Variants in TNFRSF8 observed in about 807,000 individuals in gnomAD.
The protein encoded by TNFRSF8 is TNF receptor superfamily member 8.
A neutral mutation model predicts 70.8 loss-of-function variants in TNFRSF8; 26 were observed. The observed-to-expected ratio is 0.37, with a 90% confidence interval of 0.27 to 0.51. TNFRSF8 has a LOEUF of 0.51. Ranked by LOEUF, TNFRSF8 falls within the 20% of genes least tolerant of loss-of-function variation. The probability of loss-of-function intolerance (pLI) is 0.94; values close to 1 mark genes in which losing one functional copy is unlikely to be tolerated. For synonymous variants in TNFRSF8, 356 were observed against 339.2 expected, an observed-to-expected ratio of 1.05 and a Z score of -0.54; for missense variants, 720 against 807.9, an observed-to-expected ratio of 0.89 and a Z score of 1.32.
chr1:12,085,926 G>A (rs1641145876), intron 2 of TNFRSF8, among the ~76,000 whole-genome samples: 1 of 152,234 alleles, frequency 6.6e-6, no homozygotes, highest in Non-Finnish European at 1.5e-5. Context: ...ATTGTCACGG[G>A]GACATCAGCC....
rs551804692 is a variant in TNFRSF8 at position 12,111,216 on chromosome 1, C to T, written c.677-682C>T. ...TTGTTTTTTTGAGGTGAGTCTTGCT[C>T]TGTCGCCCAGACTGGAGTGCAGTGG... is the stretch of plus-strand genomic sequence containing the variant. On this transcript the variant is annotated intron_variant, in intron 6 of 14. Transcript: ENST00000263932. Among the ~76,000 whole-genome samples, 3 of 151,908 alleles carry T rather than the reference C, an allele frequency of 2.0e-5. No homozygotes were observed. In the South Asian group the frequency reaches 6.2e-4, roughly 32 times the overall value.
chr1:12,107,940 C>G (rs1243366817), intron 4 of TNFRSF8, among the ~76,000 whole-genome samples: 1 of 152,006 alleles, frequency 6.6e-6, no homozygotes, highest in Non-Finnish European at 1.5e-5. Context: ...GTAAATTGCC[C>G]GCGGAGACAG....
chr1:12,111,595 G>C (rs746279322), intron 6 of TNFRSF8, among the ~76,000 whole-genome samples: 11 of 152,186 alleles, frequency 7.2e-5, no homozygotes, highest in Non-Finnish European at 1.2e-4. Context: ...TGTTCCCAAA[G>C]TTTTGAGCAG....
intron 4 of TNFRSF8, among the ~76,000 whole-genome samples, chr1:12,106,394 C>T (rs1286079835): frequency 6.6e-6 from 1 of 152,182 alleles, no homozygotes; most frequent in Non-Finnish European, 1.5e-5. Context: ...CTTCCCTGGC[C>T]TCTCACTAGG....
chr1:12,138,171 C>T lies in TNFRSF8; in HGVS notation c.1336-58C>T. ...GAAAAAAAAAAGGGGCCTCCCAGTT[C>T]AGAGACTGGTGGGGAGGTTGGGGGT... is the stretch of plus-strand genomic sequence containing the variant. On this transcript the variant is annotated intron_variant, in intron 13 of 14. Transcript: ENST00000263932. The surrounding 1 kb of genome is among the most constrained non-coding windows in gnomAD (Gnocchi z 5.7). 6.4e-7 allele frequency: 1 copy of T among 1,563,138 alleles called. No homozygotes were observed. Among genetic ancestry groups the T allele is most frequent in the African/African-American group, 1.4e-5 (1 of 72,870 alleles).
intron 1 of TNFRSF8, among the ~76,000 whole-genome samples, chr1:12,080,855 C>T (rs1569993928): frequency 1.3e-5 from 2 of 152,186 alleles, no homozygotes; most frequent in Admixed American, 1.3e-4. Flanking sequence ...CCACCGTGCC[C>T]GGCCCTGGGA....
At position 12,063,744 on chromosome 1, in the gene TNFRSF8, A is replaced by G. The variant is rs1426238963; in HGVS notation, c.63+83A>G. The G allele has an allele frequency of 2.1e-5, 25 of 1,197,230 alleles. No individual in the cohort carries two copies. Among genetic ancestry groups the G allele is most frequent in the Non-Finnish European group, 2.6e-5 (25 of 945,682 alleles). 74.2% of individuals were successfully genotyped at this position (1,197,230 alleles called of 1,614,324 possible). A position where few individuals can be genotyped will look rare whatever the true frequency, so the allele number is the denominator to read the frequency against. ...GGGTGCGTGGGACGCAAGGGAGGAC[A>G]CTCCTCACCCCGTTCCCTGCCCAGC... On this transcript the variant is annotated intron_variant, in intron 1 of 14. Coordinates refer to ENST00000263932, the MANE Select transcript of TNFRSF8 (RefSeq NM_001243.5). This position sits in a 1 kb window ranked among gnomAD's most constrained non-coding sequence, Gnocchi z 7.2.
Position 12,112,408 on chromosome 1 carries a change from C to T in TNFRSF8, c.793+394C>T, listed in dbSNP as rs61777899. 2.0e-5 allele frequency among the ~76,000 whole-genome samples: 3 copies of T among 150,842 alleles called. No homozygotes were observed. The highest frequency in any genetic ancestry group is 4.4e-5 in the Non-Finnish European group (3 of 67,778). On this transcript the variant is annotated intron_variant, in intron 7 of 14. Coordinates refer to ENST00000263932, the MANE Select transcript of TNFRSF8 (RefSeq NM_001243.5). The surrounding 1 kb of genome is among the most constrained non-coding windows in gnomAD (Gnocchi z 5.3). Reference sequence around the variant, plus strand: ...CCACTTATTCTTTTTTTTTTTTTCCCAGACAGGGTCTCACTCCTTCACCCA... The same window carrying T: ...CCACTTATTCTTTTTTTTTTTTTCCTAGACAGGGTCTCACTCCTTCACCCA...
In TNFRSF8 at chr1:12,138,218, C is replaced by A. The variant is rs770346070; in HGVS notation, c.1336-11C>A. ...GGGTACCCTGCAGCAGCACCCATTC[C>A]CGTCCCACAGCAGCTGAGGAGTGGT... is the stretch of plus-strand genomic sequence containing the variant. On this transcript the variant is annotated splice_polypyrimidine_tract_variant and intron_variant, in intron 13 of 14. Coordinates refer to ENST00000263932, the MANE Select transcript of TNFRSF8 (RefSeq NM_001243.5). The surrounding 1 kb of genome is among the most constrained non-coding windows in gnomAD (Gnocchi z 5.7). 2 of 1,612,690 alleles carry A rather than the reference C, an allele frequency of 1.2e-6. No homozygotes were observed. The highest frequency in any genetic ancestry group is 1.7e-6 in the Non-Finnish European group (2 of 1,179,298).
rs1641576383 is a variant in TNFRSF8, at chr1:12,108,918, C to T, written c.422-648C>T. Among the ~76,000 whole-genome samples the T allele has an allele frequency of 6.6e-6, 1 of 152,164 alleles. No homozygotes were observed. The highest frequency in any genetic ancestry group is 1.5e-5 in the Non-Finnish European group (1 of 68,024). On this transcript the variant is annotated intron_variant, in intron 4 of 14. Transcript: ENST00000263932. This position sits in a 1 kb window ranked among gnomAD's most constrained non-coding sequence, Gnocchi z 4.0. The stretch of plus-strand genomic sequence containing the variant: ...TAGACGATGTGTGTGTTTTCTTCTC[C>T]ACTCTGCTTCTGTCCAGCATTCTTC...
chr1:12,076,719 C>CT (rs946405108), intron 1 of TNFRSF8, among the ~76,000 whole-genome samples: 14 of 152,162 alleles, frequency 9.2e-5, no homozygotes, highest in African/African-American at 3.4e-4. Flanking sequence ...GGGATGGAGC[C>CT]TGTGGCCAGG....
chr1:12,067,092 C>T lies in TNFRSF8; in HGVS notation c.63+3431C>T, dbSNP rs114308340. ...TGATGCTTCGTATCACTGTCTTGTCCAATTGTGTTTTTTTGTAATATGACC... is the reference window on the plus strand; with the variant it reads ...TGATGCTTCGTATCACTGTCTTGTCTAATTGTGTTTTTTTGTAATATGACC... On this transcript the variant is annotated intron_variant, in intron 1 of 14. Transcript: ENST00000263932. Among the ~76,000 whole-genome samples, 552 of 152,260 alleles carry T rather than the reference C, an allele frequency of 3.6e-3. 4 individuals carry two copies. Among genetic ancestry groups the T allele is most frequent in the African/African-American group, 0.013 (521 of 41,566 alleles).
At chr1:12,082,641 C>T (rs11121854) in intron 1 of TNFRSF8, among the ~76,000 whole-genome samples, 50,239 of 151,436 alleles carry the variant, frequency 0.33, 9,125 homozygotes, top group African/African-American at 0.47. Flanking sequence ...TGAGCCTCTC[C>T]GACCCCTACT....
In TNFRSF8 at chr1:12,138,183, G is replaced by A. The variant is rs781133819; in HGVS notation, c.1336-46G>A. 1.3e-6 allele frequency: 2 copies of A among 1,596,614 alleles called. No individual in the cohort carries two copies. Among genetic ancestry groups the A allele is most frequent in the South Asian group, 2.2e-5 (2 of 90,090 alleles). On this transcript the variant is annotated intron_variant, in intron 13 of 14. Coordinates refer to ENST00000263932, the MANE Select transcript of TNFRSF8 (RefSeq NM_001243.5). This position sits in a 1 kb window ranked among gnomAD's most constrained non-coding sequence, Gnocchi z 5.7. ...GGGCCTCCCAGTTCAGAGACTGGTG[G>A]GGAGGTTGGGGGTACCCTGCAGCAG...
intron 8 of TNFRSF8, 103 bp from the exon 9 acceptor site, chr1:12,123,181 C>A: frequency 2.2e-6 from 2 of 923,730 alleles, no homozygotes; most frequent in Non-Finnish European, 3.3e-6. Context: ...TTAGCTCCCA[C>A]GGTGTTGCCT....
chr1:12,125,365 T>C (rs866149343), intron 10 of TNFRSF8, among the ~76,000 whole-genome samples: 3 of 152,140 alleles, frequency 2.0e-5, no homozygotes, highest in Middle Eastern at 6.3e-3. Flanking sequence ...CAGGGTGACC[T>C]TGGGCAACTT....
Position 12,138,399 on chromosome 1 carries a change from G to C in TNFRSF8, c.1506G>C (p.Glu502Asp), listed in dbSNP as rs751252054. Residue 502 changes from glutamate to aspartate, a missense_variant, in exon 14 of 15, where the codon GAG becomes GAC. By Grantham distance (45) the Glu-to-Asp change is conservative. Coordinates refer to ENST00000263932, the MANE Select transcript of TNFRSF8 (RefSeq NM_001243.5). This position sits in a 1 kb window ranked among gnomAD's most constrained non-coding sequence, Gnocchi z 5.7. Reference sequence around the variant, plus strand: ...CCTCGTCCCCCAGGGACCTTCCTGAGCCCCGGGTGTCCACGGAGCACACCA... The same window carrying C: ...CCTCGTCCCCCAGGGACCTTCCTGACCCCCGGGTGTCCACGGAGCACACCA... Reference protein sequence around the residue: ...GGPSSPRDLPEPRVSTEHTNN... With the variant: ...GGPSSPRDLPDPRVSTEHTNN... 7.4e-6 allele frequency: 12 copies of C among 1,613,442 alleles called. No homozygotes were observed. Among genetic ancestry groups the C allele is most frequent in the African/African-American group, 2.7e-5 (2 of 74,924 alleles).
At chr1:12,085,444 G>T (rs1475435750) in intron 2 of TNFRSF8, among the ~76,000 whole-genome samples, 8 of 152,136 alleles carry the variant, frequency 5.3e-5, no homozygotes, top group Non-Finnish European at 1.5e-5. Context: ...TAGAGACAAA[G>T]TCTCGCTATA....
At chr1:12,078,775 G>A (rs1176369420) in intron 1 of TNFRSF8, among the ~76,000 whole-genome samples, 1 of 152,234 alleles carries the variant, frequency 6.6e-6, no homozygotes. Flanking sequence ...AAAATGGGCT[G>A]ACAGTTGTTG....
Sources: gnomAD v4.1 joint callset for allele counts (sites outside exome capture counted in the v4.1 genomes callset) on GRCh38, gnomAD v4.1.1 for gene constraint, Gnocchi (gnomAD v3.1) non-coding constraint, MANE v1.5 for transcripts, NCBI Gene and HGNC (gene_info 2026-07-23, HGNC 2026-07-21) for gene names.